Variants in DLG2 observed in about 807,000 individuals in gnomAD.
DLG2 encodes the protein disks large homolog 2.
In DLG2, 45 loss-of-function variants were observed where a neutral mutation model predicts 132.5. The ratio of observed to expected loss-of-function variants is 0.34; its 90% confidence interval spans 0.27 to 0.44. DLG2 has a LOEUF of 0.44. Ranked by LOEUF, DLG2 falls within the 20% of genes least tolerant of loss-of-function variation. The pLI is 1.00. For missense variants in DLG2, 1,045 were observed against 1,196.9 expected, an observed-to-expected ratio of 0.87 and a Z score of 1.87; for synonymous variants, 424 against 419.6, an observed-to-expected ratio of 1.01 and a Z score of -0.13.
At chr11:84,545,144 C>G (rs2099387075) in intron 6 of DLG2, 1 of 450,286 alleles carries the variant, frequency 2.2e-6, no homozygotes, top group Admixed American at 2.5e-5. Flanking sequence ...GAATTTTTGC[C>G]ACTGCCATGG....
At chr11:85,229,967 C>T (rs996170929) in intron 4 of DLG2, among the ~76,000 whole-genome samples, 5 of 151,846 alleles carry the variant, frequency 3.3e-5, no homozygotes, top group Non-Finnish European at 7.4e-5. Flanking sequence ...CATCACACAT[C>T]GGGGCCTGTC....
At chr11:84,583,252 C>T (rs940028093) in intron 6 of DLG2, among the ~76,000 whole-genome samples, 9 of 152,132 alleles carry the variant, frequency 5.9e-5, no homozygotes, top group Non-Finnish European at 1.3e-4. Flanking sequence ...TGAATATAAG[C>T]ATTTTCTTCT....
intron 4 of DLG2, among the ~76,000 whole-genome samples, chr11:85,193,424 T>C (rs1215553913): frequency 6.6e-6 from 1 of 152,230 alleles, no homozygotes; most frequent in Admixed American, 6.5e-5. Context: ...GTCTTGAATA[T>C]ATACCTAGAA....
At chr11:84,301,362 T>G (rs995552922) in intron 7 of DLG2, among the ~76,000 whole-genome samples, 29 of 152,172 alleles carry the variant, frequency 1.9e-4, no homozygotes, top group Non-Finnish European at 4.0e-4. Context: ...TGGCGATCAT[T>G]AAAGTCAGGA....
chr11:85,555,841 C>T (rs2076916626), intron 3 of DLG2, among the ~76,000 whole-genome samples: 1 of 151,758 alleles, frequency 6.6e-6, no homozygotes, highest in Non-Finnish European at 1.5e-5. Flanking sequence ...GGCGAGTGCC[C>T]TTTGGGTTTA....
At position 84,902,144 on chromosome 11, in the gene DLG2, C is replaced by A. The variant is rs537399997; in HGVS notation, c.357+209517G>T. On this transcript the variant is annotated intron_variant, in intron 6 of 27. Transcript: ENST00000376104. Reference sequence around the variant, plus strand: ...TTTTGTAAAATTCTTGAATGGAAATCTGGACGCAGGCCTTGTTTCTCCAGC... The same window carrying A: ...TTTTGTAAAATTCTTGAATGGAAATATGGACGCAGGCCTTGTTTCTCCAGC... Among the ~76,000 whole-genome samples the A allele has an allele frequency of 1.8e-4, 27 of 152,196 alleles. 1 individual carries two copies. In the South Asian group the frequency reaches 5.6e-3, roughly 32 times the overall value.
At chr11:85,032,370 T>G (rs2061080781) in intron 6 of DLG2, among the ~76,000 whole-genome samples, 1 of 152,202 alleles carries the variant, frequency 6.6e-6, no homozygotes, top group South Asian at 2.1e-4. Flanking sequence ...TTTTTACAAA[T>G]GAGTGTCCTA....
In DLG2 at chr11:85,400,846, T is replaced by C. The variant is rs530878592; in HGVS notation, c.41-115481A>G. Among the ~76,000 whole-genome samples the C allele has an allele frequency of 5.3e-5, 8 of 151,212 alleles. No individual in the cohort carries two copies. In the East Asian group the frequency reaches 1.6e-3, roughly 29 times the overall value. ...TACCTAATGCTAAATGACGAGTTAATGAGTGCAGCACACCAGCATGGCACA... is the reference window on the plus strand; with the variant it reads ...TACCTAATGCTAAATGACGAGTTAACGAGTGCAGCACACCAGCATGGCACA... On this transcript the variant is annotated intron_variant, in intron 3 of 27. Coordinates refer to ENST00000376104, the MANE Select transcript of DLG2 (RefSeq NM_001142699.3).
rs574948721 is a variant in DLG2, at chr11:83,523,455, A to G, written c.2193+9253T>C. On this transcript the variant is annotated intron_variant, in intron 21 of 27. Coordinates refer to ENST00000376104, the MANE Select transcript of DLG2 (RefSeq NM_001142699.3). ...TTAGTTCATATGTAAAAATCTTCTA[A>G]AGAATCAATTATTTTGATTTGCTTG... 8.5e-5 allele frequency among the ~76,000 whole-genome samples: 13 copies of G among 152,312 alleles called. No individual in the cohort carries two copies. In the South Asian group the frequency reaches 2.7e-3, roughly 32 times the overall value.
At chr11:84,775,209 T>A (rs1417281120) in intron 6 of DLG2, among the ~76,000 whole-genome samples, 1 of 151,892 alleles carries the variant, frequency 6.6e-6, no homozygotes, top group Non-Finnish European at 1.5e-5. Flanking sequence ...AAAATGCACA[T>A]CAAAACCACA....
At chr11:84,493,110 GTGTCCATCAGCTTGGGGACATGGTGTA>G (rs572963947) in intron 7 of DLG2, among the ~76,000 whole-genome samples, 332 of 152,188 alleles carry the variant, frequency 2.2e-3, no homozygotes, top group African/African-American at 7.0e-3. Context: ...TCTACCTGAA[GTGTCCATCAGCTTGGGGACATGGTGTA>G]TGTCCATCAG....
At chr11:85,073,304 T>C (rs191686565) in intron 6 of DLG2, among the ~76,000 whole-genome samples, 1 of 151,952 alleles carries the variant, frequency 6.6e-6, no homozygotes, top group African/African-American at 2.4e-5. Flanking sequence ...AAACAAATGG[T>C]GGATTTTCAG....
rs144995481 is a variant in DLG2 at position 85,166,990 on chromosome 11, CTGTT to C, written c.187-12343_187-12340del. On this transcript the variant is annotated intron_variant, in intron 4 of 27. Transcript: ENST00000376104. Reference sequence around the variant, plus strand: ...AGTAAATAAGTACTCAGTGGTTTAACTGTTTGGTAGATTACTTTTTTATTTATTT... The same window carrying C: ...AGTAAATAAGTACTCAGTGGTTTAACTGGTAGATTACTTTTTTATTTATTT... 8.6e-3 allele frequency among the ~76,000 whole-genome samples: 1,312 copies of C among 152,204 alleles called. 15 individuals are homozygous for C. The highest frequency in any genetic ancestry group is 0.03 in the African/African-American group (1,254 of 41,546).
intron 4 of DLG2, among the ~76,000 whole-genome samples, chr11:85,191,596 A>T (rs1385045828): frequency 6.6e-6 from 1 of 152,218 alleles, no homozygotes; most frequent in Admixed American, 6.5e-5. Context: ...TTTCTCAAGA[A>T]TATTACAGGG....
At chr11:84,644,850 G>A in intron 6 of DLG2, among the ~76,000 whole-genome samples, 1 of 152,124 alleles carries the variant, frequency 6.6e-6, no homozygotes, top group East Asian at 1.9e-4. Flanking sequence ...CTGTGTGGCT[G>A]ACATAGGATA....
chr11:83,652,511 C>T (rs1485206457), intron 18 of DLG2, among the ~76,000 whole-genome samples: 1 of 152,160 alleles, frequency 6.6e-6, no homozygotes, highest in African/African-American at 2.4e-5. Context: ...GCTGGAATTA[C>T]AGGCGTGCAC....
At chr11:85,443,442 C>T (rs536251489) in intron 3 of DLG2, among the ~76,000 whole-genome samples, 18 of 152,278 alleles carry the variant, frequency 1.2e-4, no homozygotes, top group Non-Finnish European at 2.1e-4. Context: ...TTATGAAAGA[C>T]AGAACCTCTT....
At chr11:85,090,353 A>G (rs1435376778) in intron 6 of DLG2, among the ~76,000 whole-genome samples, 1 of 152,132 alleles carries the variant, frequency 6.6e-6, no homozygotes, top group African/African-American at 2.4e-5. Context: ...TATTCTCTAT[A>G]ATGATATTTC....
chr11:83,554,172 C>G (rs1470876287), intron 19 of DLG2, among the ~76,000 whole-genome samples: 1 of 152,078 alleles, frequency 6.6e-6, no homozygotes, highest in Admixed American at 6.6e-5. Flanking sequence ...GAATGAACCA[C>G]CATGCCAGGC....
Sources: gnomAD v4.1 joint callset for allele counts (sites outside exome capture counted in the v4.1 genomes callset) on GRCh38, gnomAD v4.1.1 for gene constraint, MANE v1.5 for transcripts, NCBI Gene and HGNC (gene_info 2026-07-23, HGNC 2026-07-21) for gene names.